Variants in RAP1GAP2 observed in about 807,000 individuals in gnomAD.
The protein encoded by RAP1GAP2 is RAP1 GTPase activating protein 2.
In RAP1GAP2, 27 loss-of-function variants were observed where a neutral mutation model predicts 95.0. That is an observed-to-expected ratio of 0.28 (90% CI 0.21 to 0.39). The LOEUF (loss-of-function observed/expected upper bound fraction) is 0.39. Among genes scored for constraint, RAP1GAP2 ranks in the 10% least tolerant of loss-of-function variants. RAP1GAP2 has a pLI of 1.00. For missense variants in RAP1GAP2, 771 were observed against 970.0 expected (o/e 0.79, Z 2.72); for synonymous variants, 373 against 380.9 (o/e 0.98, Z 0.24).
chr17:2,981,759 G>T (rs1449225144), intron 10 of RAP1GAP2, among the ~76,000 whole-genome samples: 1 of 152,138 alleles, frequency 6.6e-6, no homozygotes, highest in Non-Finnish European at 1.5e-5. Flanking sequence ...AGCTTCCTTT[G>T]AATTGGCCTG....
chr17:3,012,707 G>A (rs2046600188), intron 17 of RAP1GAP2, among the ~76,000 whole-genome samples: 1 of 151,282 alleles, frequency 6.6e-6, no homozygotes, highest in South Asian at 2.1e-4. Flanking sequence ...CCTGAAGTCA[G>A]CACTGCATAC....
chr17:2,877,215 C>T (rs1433799144), intron 2 of RAP1GAP2, among the ~76,000 whole-genome samples: 1 of 152,092 alleles, frequency 6.6e-6, no homozygotes, highest in Non-Finnish European at 1.5e-5. Context: ...TTCCCCATGT[C>T]CACTTGTCAG....
At chr17:2,955,741 T>C (rs2044083374) in intron 3 of RAP1GAP2, among the ~76,000 whole-genome samples, 1 of 152,240 alleles carries the variant, frequency 6.6e-6, no homozygotes, top group Non-Finnish European at 1.5e-5. Context: ...TTTCTATTTC[T>C]TACTGAGTCA....
At chr17:2,926,000 C>T (rs1345604622) in intron 3 of RAP1GAP2, among the ~76,000 whole-genome samples, 1 of 151,682 alleles carries the variant, frequency 6.6e-6, no homozygotes, top group East Asian at 1.9e-4. Flanking sequence ...ATTAGCTGGG[C>T]GTGGTGGTGG....
intron 3 of RAP1GAP2, among the ~76,000 whole-genome samples, chr17:2,935,281 G>A: frequency 6.6e-6 from 1 of 152,180 alleles, no homozygotes; most frequent in Non-Finnish European, 1.5e-5. Context: ...GCCGCAGCAG[G>A]TGGATCACCT....
chr17:2,917,531 A>G (rs1437574533), intron 3 of RAP1GAP2, among the ~76,000 whole-genome samples: 1 of 151,864 alleles, frequency 6.6e-6, no homozygotes, highest in Non-Finnish European at 1.5e-5. Flanking sequence ...TGGGCTCCCA[A>G]AGTGCTGGGA....
chr17:2,848,078 C>G (rs929644669), intron 2 of RAP1GAP2, among the ~76,000 whole-genome samples: 1 of 152,168 alleles, frequency 6.6e-6, no homozygotes, highest in Non-Finnish European at 1.5e-5. Flanking sequence ...AATCCCTGAA[C>G]AGGAAGTCGG....
intron 3 of RAP1GAP2, among the ~76,000 whole-genome samples, chr17:2,917,703 C>G (rs1293126093): frequency 6.6e-6 from 1 of 151,744 alleles, no homozygotes; most frequent in Non-Finnish European, 1.5e-5. Context: ...CTGTGCCTGG[C>G]CCCCCCGTTT....
intron 2 of RAP1GAP2, among the ~76,000 whole-genome samples, chr17:2,887,247 G>A (rs905675155): frequency 4.6e-5 from 7 of 151,078 alleles, no homozygotes; most frequent in African/African-American, 1.7e-4. Context: ...TAGTAGAGAC[G>A]GGGTTTCCCC....
intron 2 of RAP1GAP2, among the ~76,000 whole-genome samples, chr17:2,873,331 C>T (rs1283173625): frequency 2.8e-5 from 4 of 143,658 alleles, no homozygotes; most frequent in East Asian, 4.1e-4. Context: ...AAAAATTAGC[C>T]GGTTGGGGCG....
chr17:2,887,045 A>G (rs1055897909), intron 2 of RAP1GAP2, among the ~76,000 whole-genome samples: 2 of 152,144 alleles, frequency 1.3e-5, no homozygotes, highest in African/African-American at 2.4e-5. Flanking sequence ...AGCAAATATT[A>G]GCTGATATGA....
chr17:2,757,529 A>G (rs2071169714), intron 1 of RAP1GAP2, among the ~76,000 whole-genome samples: 1 of 152,074 alleles, frequency 6.6e-6, no homozygotes, highest in South Asian at 2.1e-4. Flanking sequence ...TGGCTCAAGT[A>G]TGGGTGTGTG....
chr17:2,991,492 A>T, intron 12 of RAP1GAP2, 95 bp downstream of exon 12: 1 of 912,532 alleles, frequency 1.1e-6, no homozygotes. Context: ...GTGTGAGTTA[A>T]AAACACACAA....
In RAP1GAP2 at chr17:2,758,801, A is replaced by G. The variant is rs371205688; in HGVS notation, c.50+3034A>G. ...GGGAATTTATAGACTCACTGAACTG[A>G]AAAAACTCTAGGAGCTCTTCATGTT... On this transcript the variant is annotated intron_variant, in intron 1 of 25. Coordinates refer to the RAP1GAP2 transcript ENST00000637138. Among the ~76,000 whole-genome samples the G allele has an allele frequency of 3.9e-5, 6 of 152,186 alleles. No individual in the cohort carries two copies. The East Asian group carries it at 7.7e-4, about 20-fold the overall frequency.
intron 13 of RAP1GAP2, among the ~76,000 whole-genome samples, 182 bp downstream of exon 13, chr17:2,995,648 C>T (rs944147168): frequency 3.3e-5 from 5 of 152,196 alleles, no homozygotes; most frequent in Admixed American, 2.0e-4. Context: ...TGTGCCTCAG[C>T]GGTCCGTTCT....
chr17:2,822,024 G>C (rs1597374046), intron 2 of RAP1GAP2, among the ~76,000 whole-genome samples: 1 of 152,154 alleles, frequency 6.6e-6, no homozygotes, highest in South Asian at 2.1e-4. Flanking sequence ...TGCTGAGGAG[G>C]AGGAGGCGGC....
chr17:2,907,873 C>T (rs901452340), intron 3 of RAP1GAP2, among the ~76,000 whole-genome samples: 3 of 152,144 alleles, frequency 2.0e-5, no homozygotes, highest in Non-Finnish European at 1.5e-5. Flanking sequence ...GTGGCGCGAT[C>T]TTGGCTCACT....
At chr17:2,946,086 C>T (rs1010165818) in intron 3 of RAP1GAP2, among the ~76,000 whole-genome samples, 4 of 152,100 alleles carry the variant, frequency 2.6e-5, no homozygotes, top group East Asian at 1.9e-4. Flanking sequence ...CCACCGTGCC[C>T]GGCCTATTAC....
At chr17:2,892,449 T>C (rs1479064822) in intron 2 of RAP1GAP2, among the ~76,000 whole-genome samples, 1 of 152,128 alleles carries the variant, frequency 6.6e-6, no homozygotes, top group Admixed American at 6.6e-5. Context: ...GGGGACCTCA[T>C]CTTGGGTGGC....
Sources: gnomAD v4.1 joint callset for allele counts (sites outside exome capture counted in the v4.1 genomes callset) on GRCh38, gnomAD v4.1.1 for gene constraint, MANE v1.5 for transcripts, NCBI Gene and HGNC (gene_info 2026-07-23, HGNC 2026-07-21) for gene names.